Variants in CDK19 observed in about 807,000 individuals in gnomAD.
CDK19 encodes cyclin dependent kinase 19.
CDK19 carries 20 observed loss-of-function variants against 68.3 expected under a neutral mutation model. The observed-to-expected ratio is 0.29, with a 90% CI of 0.21 to 0.43. CDK19 has a LOEUF of 0.43. CDK19 is among the 20% of genes least tolerant of loss of function. The pLI, the probability that CDK19 is intolerant of heterozygous loss-of-function variation, is 1.00. For missense variants in CDK19, 339 were observed against 623.5 expected (o/e 0.54, Z 4.86); for synonymous variants, 221 against 222.8 (o/e 0.99, Z 0.07).
chr6:110,690,767 C>CT (rs1322402090), intron 2 of CDK19, among the ~76,000 whole-genome samples: 1 of 152,042 alleles, frequency 6.6e-6, no homozygotes, highest in Non-Finnish European at 1.5e-5. Context: ...TGACAGAACT[C>CT]ATATAGAGTC....
At chr6:110,705,827 G>T (rs1774421193) in intron 2 of CDK19, among the ~76,000 whole-genome samples, 1 of 152,022 alleles carries the variant, frequency 6.6e-6, no homozygotes, top group African/African-American at 2.4e-5. Flanking sequence ...CCACAGGGAG[G>T]GGAACATCAC....
At chr6:110,716,616 G>A (rs1381206542) in intron 2 of CDK19, among the ~76,000 whole-genome samples, 1 of 152,096 alleles carries the variant, frequency 6.6e-6, no homozygotes, top group African/African-American at 2.4e-5. Flanking sequence ...ATCTGAACAT[G>A]CCTAGAATAG....
intron 2 of CDK19, among the ~76,000 whole-genome samples, chr6:110,736,588 A>G (rs1777270717): frequency 6.6e-6 from 1 of 152,172 alleles, no homozygotes; most frequent in Admixed American, 6.5e-5. Flanking sequence ...TACTAAGTTT[A>G]TGTTAAATTT....
chr6:110,612,127 C>T lies in CDK19; in HGVS notation c.*2408G>A, dbSNP rs1778059178. ...ATGCTGCTTATAAAGTATTAAGGGG[C>T]ATAGTATTTTGGTTTACATATCTAT... On this transcript the variant is annotated 3_prime_UTR_variant, in exon 13 of 13. Transcript: ENST00000368911. 6.6e-6 allele frequency: 1 copy of T among 152,188 alleles called. No individual in the cohort carries two copies. The highest frequency in any genetic ancestry group is 2.1e-4 in the South Asian group (1 of 4,834). The allele number at this position is 152,188 out of a possible 1,614,324, so 9.4% of individuals were successfully genotyped here. A position where few individuals can be genotyped will look rare whatever the true frequency, so the allele number is the denominator to read the frequency against.
At position 110,735,905 on chromosome 6, in the gene CDK19, G is replaced by C. The variant is rs114865559; in HGVS notation, c.204+10221C>G. The stretch of plus-strand genomic sequence containing the variant: ...TGAGATTCAGTTGATACTGCAGTTA[G>C]AGGGTGGAGCTGAGAATGACCGGAA... On this transcript the variant is annotated intron_variant, in intron 2 of 12. Coordinates refer to ENST00000368911, the MANE Select transcript of CDK19 (RefSeq NM_015076.5). Among the ~76,000 whole-genome samples the C allele has an allele frequency of 5.2e-3, 796 of 152,342 alleles. 6 individuals carry two copies. Among genetic ancestry groups the C allele is most frequent in the African/African-American group, 0.019 (773 of 41,582 alleles).
chr6:110,785,809 C>T (rs973729673), intron 1 of CDK19, among the ~76,000 whole-genome samples: 3 of 151,998 alleles, frequency 2.0e-5, no homozygotes, highest in Non-Finnish European at 1.5e-5. Context: ...AGAGAAAACT[C>T]GTCTCTACTA....
At chr6:110,805,511 G>C (rs1426143068) in intron 1 of CDK19, among the ~76,000 whole-genome samples, 2 of 150,500 alleles carry the variant, frequency 1.3e-5, no homozygotes, top group African/African-American at 5.0e-5. Flanking sequence ...TATACCTAAA[G>C]GGTTGGTTCT....
chr6:110,730,393 G>T (rs1776660030), intron 2 of CDK19, among the ~76,000 whole-genome samples: 2 of 152,196 alleles, frequency 1.3e-5, no homozygotes, highest in Admixed American at 1.3e-4. Context: ...AGGAATTAGA[G>T]CTGAATATCA....
At chr6:110,651,097 G>A (rs1780933756) in intron 4 of CDK19, among the ~76,000 whole-genome samples, 1 of 152,200 alleles carries the variant, frequency 6.6e-6, no homozygotes, top group South Asian at 2.1e-4. Flanking sequence ...CAGGCAAAGG[G>A]TTGGGAAGGG....
At chr6:110,627,233 T>A (rs1168691262) in intron 6 of CDK19, 88 bp from the exon 7 acceptor site, 1 of 947,866 alleles carries the variant, frequency 1.1e-6, no homozygotes. Flanking sequence ...AAAATACTTT[T>A]CAGTAAATCA....
At chr6:110,740,646 T>C (rs1777587403) in intron 2 of CDK19, among the ~76,000 whole-genome samples, 1 of 152,238 alleles carries the variant, frequency 6.6e-6, no homozygotes, top group African/African-American at 2.4e-5. Context: ...TCCTCAACAG[T>C]TATTCTGCAA....
At chr6:110,814,247 C>G in intron 1 of CDK19, 1 of 291,016 alleles carries the variant, frequency 3.4e-6, no homozygotes, top group South Asian at 2.8e-5. Context: ...ACATAATACC[C>G]AAGATACCCA....
chr6:110,733,990 A>G (rs1183922590), intron 2 of CDK19, among the ~76,000 whole-genome samples: 13 of 151,986 alleles, frequency 8.6e-5, no homozygotes, highest in Admixed American at 7.2e-4. Context: ...TATTATTCAT[A>G]TAAGTTTTTG....
chr6:110,724,205 T>C (rs1776160437), intron 2 of CDK19, among the ~76,000 whole-genome samples: 1 of 151,662 alleles, frequency 6.6e-6, no homozygotes. Flanking sequence ...AATACAAAAA[T>C]TAGCCAGGCG....
chr6:110,682,839 AAC>A (rs60189567), intron 2 of CDK19, among the ~76,000 whole-genome samples: 23,449 of 152,080 alleles, frequency 0.15, 2,006 homozygotes, highest in East Asian at 0.31. Flanking sequence ...TACAAACATA[AAC>A]AGTTTCCACA....
At chr6:110,753,334 A>C (rs1474911447) in intron 1 of CDK19, among the ~76,000 whole-genome samples, 2 of 152,124 alleles carry the variant, frequency 1.3e-5, no homozygotes, top group East Asian at 3.9e-4. Context: ...AAATTATAAA[A>C]TTTTAGAAAT....
chr6:110,779,885 G>T (rs879769506), intron 1 of CDK19, among the ~76,000 whole-genome samples: 1 of 151,970 alleles, frequency 6.6e-6, no homozygotes, highest in Non-Finnish European at 1.5e-5. Flanking sequence ...AGGAGTTTGA[G>T]ACCAGCCTGG....
chr6:110,753,571 C>T (rs1003643004), intron 1 of CDK19, among the ~76,000 whole-genome samples: 4 of 146,872 alleles, frequency 2.7e-5, no homozygotes, highest in Admixed American at 2.0e-4. Context: ...TTTCCTGTAG[C>T]GATGGGGTCT....
intron 1 of CDK19, among the ~76,000 whole-genome samples, chr6:110,759,022 G>A (rs942875681): frequency 6.6e-6 from 1 of 152,056 alleles, no homozygotes; most frequent in African/African-American, 2.4e-5. Context: ...AGCACTTAGG[G>A]AGGCCATGGC....
Sources: gnomAD v4.1 joint callset for allele counts (sites outside exome capture counted in the v4.1 genomes callset) on GRCh38, gnomAD v4.1.1 for gene constraint, MANE v1.5 for transcripts, NCBI Gene and HGNC (gene_info 2026-07-23, HGNC 2026-07-21) for gene names.